The following KCND2 variants were observed in gnomAD, a reference collection of about 807,000 sequenced individuals.
KCND2 encodes potassium voltage-gated channel subfamily D member 2.
Under a neutral mutation model 54.4 loss-of-function variants are expected in KCND2, and 16 were observed. That is an observed-to-expected ratio of 0.29 (90% CI 0.20 to 0.45). KCND2 has a LOEUF of 0.45. Ranked by LOEUF, KCND2 falls within the 20% of genes least tolerant of loss-of-function variation. The pLI, the probability that KCND2 is intolerant of heterozygous loss-of-function variation, is 1.00. For missense variants in KCND2, 486 were observed against 824.2 expected, an observed-to-expected ratio of 0.59 and a Z score of 5.02; for synonymous variants, 317 against 310.7, an observed-to-expected ratio of 1.02 and a Z score of -0.21.
At chr7:120,339,941 G>A (rs965099915) in intron 1 of KCND2, among the ~76,000 whole-genome samples, 4 of 152,176 alleles carry the variant, frequency 2.6e-5, no homozygotes, top group African/African-American at 7.2e-5. Context: ...TGTATATCTG[G>A]TATGTTCACT....
At chr7:120,494,466 G>C (rs1004225537) in intron 1 of KCND2, among the ~76,000 whole-genome samples, 1 of 152,108 alleles carries the variant, frequency 6.6e-6, no homozygotes, top group Non-Finnish European at 1.5e-5. Flanking sequence ...ACCTGGAAAA[G>C]CTATGTGTAG....
At chr7:120,591,380 G>T (rs150148865) in intron 1 of KCND2, among the ~76,000 whole-genome samples, 1 of 152,282 alleles carries the variant, frequency 6.6e-6, no homozygotes, top group African/African-American at 2.4e-5. Context: ...TCCTGCTCAT[G>T]AAATTAGACT....
intron 4 of KCND2, 138 bp downstream of exon 4, chr7:120,742,740 C>T: frequency 2.8e-6 from 2 of 711,926 alleles, no homozygotes; most frequent in South Asian, 1.5e-5. Flanking sequence ...AAACCAAAAC[C>T]CCACAATATT....
intron 1 of KCND2, among the ~76,000 whole-genome samples, chr7:120,571,736 C>A (rs1792368918): frequency 6.6e-6 from 1 of 152,118 alleles, no homozygotes; most frequent in African/African-American, 2.4e-5. Context: ...CTAAGTAAAA[C>A]CAATTATACT....
intron 1 of KCND2, among the ~76,000 whole-genome samples, chr7:120,378,889 G>A (rs2116020455): frequency 6.6e-6 from 1 of 152,018 alleles, no homozygotes; most frequent in South Asian, 2.1e-4. Context: ...CATTCTAAGT[G>A]GCAAATGGCT....
intron 1 of KCND2, among the ~76,000 whole-genome samples, chr7:120,571,387 C>G (rs1293764579): frequency 6.6e-6 from 1 of 152,114 alleles, no homozygotes; most frequent in Non-Finnish European, 1.5e-5. Context: ...CAATTTGATG[C>G]CCTCAAGTTT....
chr7:120,559,196 C>T (rs1792202239), intron 1 of KCND2, among the ~76,000 whole-genome samples: 1 of 152,162 alleles, frequency 6.6e-6, no homozygotes, highest in African/African-American at 2.4e-5. Context: ...AAATGATAAT[C>T]ATACCACTAC....
intron 1 of KCND2, among the ~76,000 whole-genome samples, chr7:120,556,568 G>A (rs1215525567): frequency 6.6e-6 from 1 of 152,122 alleles, no homozygotes; most frequent in Non-Finnish European, 1.5e-5. Flanking sequence ...CTATTTCAAA[G>A]TATTTTTCTG....
At chr7:120,736,113 G>C (rs1041968539) in intron 2 of KCND2, among the ~76,000 whole-genome samples, 2 of 152,070 alleles carry the variant, frequency 1.3e-5, no homozygotes, top group Non-Finnish European at 2.9e-5. Context: ...AAAATGGTTT[G>C]TTAGACCATA....
At chr7:120,726,697 A>G (rs11977855) in intron 1 of KCND2, among the ~76,000 whole-genome samples, 12,682 of 152,252 alleles carry the variant, frequency 0.083, 612 homozygotes, top group African/African-American at 0.1. Context: ...TACACTCCAA[A>G]TACTGATTCA....
intron 1 of KCND2, among the ~76,000 whole-genome samples, chr7:120,343,809 TGATATTCAG>T (rs1354228447): frequency 1.3e-5 from 2 of 152,336 alleles, no homozygotes; most frequent in East Asian, 3.9e-4. Context: ...TATTTTCACA[TGATATTCAG>T]GGTTGCTTCT....
At chr7:120,740,886 A>C (rs1792932269) in intron 2 of KCND2, 1 of 453,644 alleles carries the variant, frequency 2.2e-6, no homozygotes, top group South Asian at 1.6e-5. Context: ...AAAGTAGATA[A>C]ATTCACAGTT....
In KCND2 at chr7:120,485,483, G is replaced by A. The variant is rs556416362; in HGVS notation, c.1115+209736G>A. Among the ~76,000 whole-genome samples the A allele has an allele frequency of 6.6e-5, 10 of 152,130 alleles. No homozygotes were observed. The South Asian group carries it at 1.0e-3, about 16-fold the overall frequency. ...AGGTACCTGGTAATGACATATGCCC[G>A]GTTTTTCACAAAGAAGATAAAAGTG... On this transcript the variant is annotated intron_variant, in intron 1 of 5. Transcript: ENST00000331113.
chr7:120,469,727 C>A (rs1802426698), intron 1 of KCND2, among the ~76,000 whole-genome samples: 1 of 152,070 alleles, frequency 6.6e-6, no homozygotes, highest in East Asian at 1.9e-4. Context: ...AAATTTCTCC[C>A]ATCTTCCCTG....
At chr7:120,376,256 A>G (rs1404377907) in intron 1 of KCND2, among the ~76,000 whole-genome samples, 1 of 151,614 alleles carries the variant, frequency 6.6e-6, no homozygotes, top group African/African-American at 2.4e-5. Context: ...TCTGGTTGTC[A>G]TAAGAAGGGC....
intron 1 of KCND2, among the ~76,000 whole-genome samples, chr7:120,609,218 C>T (rs1239824412): frequency 1.3e-5 from 2 of 152,056 alleles, no homozygotes; most frequent in Non-Finnish European, 2.9e-5. Context: ...CCGAGGCAAA[C>T]TAAGGTCATA....
In KCND2 at chr7:120,650,149, T is replaced by C. The variant is rs1051180290; in HGVS notation, c.1116-82754T>C. 2.4e-4 allele frequency among the ~76,000 whole-genome samples: 36 copies of C among 148,910 alleles called. 1 individual carries two copies. The highest frequency in any genetic ancestry group is 9.1e-4 in the African/African-American group (36 of 39,530). On this transcript the variant is annotated intron_variant, in intron 1 of 5. Coordinates refer to ENST00000331113, the MANE Select transcript of KCND2 (RefSeq NM_012281.3). ...GTGGCATTCTCTGTATTTCCTGAAT[T>C]TGAATGTTGGCTTGCCTTGCTAGGT... is the stretch of plus-strand genomic sequence containing the variant.
At chr7:120,341,551 AAGAT>A (rs1337681942) in intron 1 of KCND2, among the ~76,000 whole-genome samples, 3 of 152,152 alleles carry the variant, frequency 2.0e-5, no homozygotes, top group Non-Finnish European at 4.4e-5. Context: ...ATGAGCTAGA[AAGAT>A]AGAAGATAAT....
intron 1 of KCND2, among the ~76,000 whole-genome samples, chr7:120,285,821 A>AGAATG (rs943282206): frequency 7.9e-5 from 12 of 151,974 alleles, no homozygotes; most frequent in African/African-American, 2.9e-4. Flanking sequence ...ACAAAGAAAA[A>AGAATG]GAATGTAGTT....
Sources: allele counts gnomAD v4.1 joint callset (sites outside exome capture counted in the v4.1 genomes callset), GRCh38; gene constraint gnomAD v4.1.1; transcripts MANE v1.5; gene names NCBI Gene and HGNC (gene_info 2026-07-23, HGNC 2026-07-21).